Variants in CFAP97D2 observed in about 807,000 individuals in gnomAD.
CFAP97D2 encodes the protein CFAP97 domain containing 2.
chr13:114,213,236 A>T (rs1476929426), intron 4 of CFAP97D2, among the ~76,000 whole-genome samples: 3 of 152,138 alleles, frequency 2.0e-5, no homozygotes, highest in Non-Finnish European at 4.4e-5. Flanking sequence ...GTAGACACCA[A>T]AGATTAAATA....
At chr13:114,219,855 T>G (rs2081012301) in intron 4 of CFAP97D2, among the ~76,000 whole-genome samples, 1 of 152,206 alleles carries the variant, frequency 6.6e-6, no homozygotes, top group Non-Finnish European at 1.5e-5. Flanking sequence ...CTTTGGCTCC[T>G]GTGTGTGAGG....
intron 3 of CFAP97D2, among the ~76,000 whole-genome samples, chr13:114,208,324 G>A (rs900452845): frequency 1.3e-5 from 2 of 152,134 alleles, no homozygotes; most frequent in Non-Finnish European, 2.9e-5. Flanking sequence ...TTCGTGCCAC[G>A]ACCTGCTTTG....
At chr13:114,221,223 G>A (rs9314904) in intron 4 of CFAP97D2, among the ~76,000 whole-genome samples, 4,575 of 152,304 alleles carry the variant, frequency 0.03, 201 homozygotes, top group African/African-American at 0.095. Context: ...CTCCAGCTTA[G>A]GCGACAGAGC....
chr13:114,197,566 T>C (rs986836081), intron 2 of CFAP97D2, among the ~76,000 whole-genome samples: 2 of 152,182 alleles, frequency 1.3e-5, no homozygotes, highest in South Asian at 2.1e-4. Context: ...TGACCCATCA[T>C]GTCTTGGGGG....
chr13:114,197,974 TTC>T (rs1209005117), intron 2 of CFAP97D2, among the ~76,000 whole-genome samples: 1 of 152,060 alleles, frequency 6.6e-6, no homozygotes, highest in Non-Finnish European at 1.5e-5. Context: ...TGTTGTTTAT[TTC>T]TTTTTTCTTT....
In CFAP97D2 at chr13:114,179,630, T is replaced by C. The variant is rs1430988645; in HGVS notation, c.90+210T>C. Among the ~76,000 whole-genome samples the C allele has an allele frequency of 2.0e-5, 3 of 152,146 alleles. No homozygotes were observed. Among genetic ancestry groups the C allele is most frequent in the Admixed American group, 6.5e-5 (1 of 15,274 alleles). ...AGTTGACGGCTTTCTTTCTTTCTTT[T>C]TTTTTTTTGAGATGACAGCTTTCAT... is the stretch of plus-strand genomic sequence containing the variant. On this transcript the variant is annotated intron_variant, in intron 1 of 4. Transcript: ENST00000646158. The surrounding 1 kb of genome is among the most constrained non-coding windows in gnomAD (Gnocchi z 4.8).
intron 1 of CFAP97D2, among the ~76,000 whole-genome samples, chr13:114,195,220 G>A (rs2080881834): frequency 6.6e-6 from 1 of 152,216 alleles, no homozygotes; most frequent in Non-Finnish European, 1.5e-5. Flanking sequence ...CACACGTAGT[G>A]ACAGAGGAGC....
Position 114,179,760 on chromosome 13 carries a change from A to C in CFAP97D2, c.90+340A>C, listed in dbSNP as rs747041404. Among the ~76,000 whole-genome samples, 1 of 152,166 alleles carries C rather than the reference A, an allele frequency of 6.6e-6. No individual in the cohort carries two copies. The highest frequency in any genetic ancestry group is 1.5e-5 in the Non-Finnish European group (1 of 68,034). Reference sequence around the variant, plus strand: ...AGCATCTTAAGACAAAAACACCAGAAGCATCCTTTTCTTTTTCTTTCTTTT... The same window carrying C: ...AGCATCTTAAGACAAAAACACCAGACGCATCCTTTTCTTTTTCTTTCTTTT... On this transcript the variant is annotated intron_variant, in intron 1 of 4. Transcript: ENST00000646158. This position sits in a 1 kb window ranked among gnomAD's most constrained non-coding sequence, Gnocchi z 4.8.
intron 1 of CFAP97D2, 56 bp from the exon 2 acceptor site, chr13:114,196,340 G>C (rs1222427861): frequency 2.5e-6 from 1 of 399,288 alleles, no homozygotes; most frequent in Non-Finnish European, 4.4e-6. Context: ...AGCACAATCT[G>C]AGCTCACTCT....
At chr13:114,215,061 T>C (rs2080987618) in intron 4 of CFAP97D2, among the ~76,000 whole-genome samples, 1 of 152,208 alleles carries the variant, frequency 6.6e-6, no homozygotes, top group Non-Finnish European at 1.5e-5. Flanking sequence ...AGGAAAATGG[T>C]TAAATCAAAG....
rs1390381032 is a variant in CFAP97D2 at position 114,189,555 on chromosome 13, C to T, written c.91-6841C>T. The stretch of plus-strand genomic sequence containing the variant: ...ACAGTAAATCAATATCTCTCATGAA[C>T]ATTGATGCAAAAATCCACAGCAAAA... On this transcript the variant is annotated intron_variant, in intron 1 of 4. Coordinates refer to ENST00000646158, the Ensembl canonical transcript of CFAP97D2. This position sits in a 1 kb window ranked among gnomAD's most constrained non-coding sequence, Gnocchi z 4.5. Among the ~76,000 whole-genome samples the T allele has an allele frequency of 6.6e-6, 1 of 152,136 alleles. No individual in the cohort carries two copies. Among genetic ancestry groups the T allele is most frequent in the Non-Finnish European group, 1.5e-5 (1 of 68,032 alleles).
chr13:114,182,284 G>A (rs530248806), intron 1 of CFAP97D2, among the ~76,000 whole-genome samples: 3 of 152,208 alleles, frequency 2.0e-5, no homozygotes, highest in Non-Finnish European at 4.4e-5. Flanking sequence ...GTGGAGTAAA[G>A]AATAACAAGG....
intron 3 of CFAP97D2, among the ~76,000 whole-genome samples, chr13:114,202,771 T>C (rs7987213): frequency 0.37 from 56,235 of 151,848 alleles, 11,081 homozygotes; most frequent in East Asian, 0.51. Flanking sequence ...AGTGGATGCT[T>C]AGCCTGCAGC....
At chr13:114,210,906 G>A (rs2080964292) in intron 3 of CFAP97D2, among the ~76,000 whole-genome samples, 1 of 150,160 alleles carries the variant, frequency 6.7e-6, no homozygotes, top group Non-Finnish European at 1.5e-5. Flanking sequence ...ATGGCTCTGA[G>A]ATGGAGATGC....
At chr13:114,184,911 C>T (rs1307162186) in intron 1 of CFAP97D2, among the ~76,000 whole-genome samples, 3 of 152,224 alleles carry the variant, frequency 2.0e-5, no homozygotes, top group African/African-American at 7.2e-5. Context: ...ACTGTGTATA[C>T]TTATGTGCAT....
chr13:114,182,392 T>G (rs909771793), intron 1 of CFAP97D2, among the ~76,000 whole-genome samples: 6 of 152,122 alleles, frequency 3.9e-5, no homozygotes, highest in Non-Finnish European at 8.8e-5. Context: ...TACCGAGACA[T>G]TCAGTTCCCA....
intron 1 of CFAP97D2, among the ~76,000 whole-genome samples, chr13:114,196,076 C>CAAAAAA (rs57315285): frequency 9.9e-6 from 1 of 100,968 alleles, no homozygotes; most frequent in Admixed American, 1.1e-4. Context: ...GAGCGAGACT[C>CAAAAAA]AAAAAAAAAA....
chr13:114,219,645 G>A (rs1011093917), intron 4 of CFAP97D2, among the ~76,000 whole-genome samples: 6 of 152,234 alleles, frequency 3.9e-5, no homozygotes, highest in African/African-American at 7.2e-5. Context: ...TGGTTCAAGT[G>A]TAGGCTCCAA....
rs71449089 is a variant in CFAP97D2 at position 114,196,947 on chromosome 13, T to G, written c.171+471T>G. On this transcript the variant is annotated intron_variant, in intron 2 of 4. Transcript: ENST00000646158. ...TCCAGGTCACAGGTGGATTCAAAGATTTCCTGACTGCCAATTGGTTGAAAG... is the reference window on the plus strand; with the variant it reads ...TCCAGGTCACAGGTGGATTCAAAGAGTTCCTGACTGCCAATTGGTTGAAAG... Among the ~76,000 whole-genome samples, 183 of 152,302 alleles carry G rather than the reference T, an allele frequency of 1.2e-3. 1 individual carries two copies. Among genetic ancestry groups the G allele is most frequent in the Non-Finnish European group, 1.6e-3 (112 of 68,028 alleles).
Sources: gnomAD v4.1 joint callset for allele counts (sites outside exome capture counted in the v4.1 genomes callset) on GRCh38, gnomAD v4.1.1 for gene constraint, Gnocchi (gnomAD v3.1) non-coding constraint, MANE v1.5 for transcripts, NCBI Gene and HGNC (gene_info 2026-07-23, HGNC 2026-07-21) for gene names.